ADGRL3: variants seen among roughly 807,000 people sequenced by gnomAD.
The protein encoded by ADGRL3 is calcium-independent alpha-latrotoxin receptor 3.
A neutral mutation model predicts 153.5 loss-of-function variants in ADGRL3; 62 were observed. That is an observed-to-expected ratio of 0.40 (90% CI 0.33 to 0.50). ADGRL3 has a LOEUF of 0.50. ADGRL3 is among the 20% of genes least tolerant of loss of function. ADGRL3 has a pLI of 0.47. For synonymous variants in ADGRL3, 710 were observed against 672.5 expected (o/e 1.06, Z -0.86); for missense variants, 1,641 against 1,859.4 (o/e 0.88, Z 2.16).
chr4:61,654,812 G>A (rs1348654188), intron 5 of ADGRL3, among the ~76,000 whole-genome samples: 1 of 151,956 alleles, frequency 6.6e-6, no homozygotes, highest in African/African-American at 2.4e-5. Flanking sequence ...CAGGAGAATT[G>A]CTTGAACCCA....
At chr4:62,009,216 C>T (rs1432325929) in intron 21 of ADGRL3, among the ~76,000 whole-genome samples, 1 of 152,126 alleles carries the variant, frequency 6.6e-6, no homozygotes, top group African/African-American at 2.4e-5. Context: ...AGATGTCAAA[C>T]ACATTTAGTA....
rs1158040518 is a variant in ADGRL3, at chr4:61,895,735, A to G, written c.1788A>G (p.Val596=). The G allele has an allele frequency of 1.3e-6, 2 of 1,569,664 alleles. No homozygotes were observed. The change falls in exon 11 of 27, where the codon GTA becomes GTG. Residue 596 remains valine, a synonymous_variant. Transcript: ENST00000683033. ...KQPCPAGTIG[V]STYLCLAPDG... ...ACATTTCTCTCATTATTACAGGTGT[A>G]TCAACTTATCTATGCCTTGCTCCTG...
chr4:61,316,124 A>G (rs2095203641), intron 1 of ADGRL3, among the ~76,000 whole-genome samples: 1 of 152,200 alleles, frequency 6.6e-6, no homozygotes, highest in South Asian at 2.1e-4. Flanking sequence ...ATAGCACAGA[A>G]TACAGGTACA....
intron 4 of ADGRL3, among the ~76,000 whole-genome samples, chr4:61,541,844 C>T (rs202228170): frequency 5.9e-5 from 3 of 50,894 alleles, no homozygotes; most frequent in African/African-American, 1.0e-4. Context: ...TGTGTGTATA[C>T]ACACACACAC....
At chr4:62,020,586 A>C (rs1262766847) in intron 21 of ADGRL3, among the ~76,000 whole-genome samples, 1 of 152,128 alleles carries the variant, frequency 6.6e-6, no homozygotes, top group Non-Finnish European at 1.5e-5. Flanking sequence ...AACAAATATA[A>C]ATGTGTATAT....
At chr4:61,877,313 T>C (rs1277211409) in intron 9 of ADGRL3, among the ~76,000 whole-genome samples, 1 of 152,204 alleles carries the variant, frequency 6.6e-6, no homozygotes. Flanking sequence ...CTGTATGATT[T>C]CATTTATATA....
intron 1 of ADGRL3, among the ~76,000 whole-genome samples, chr4:61,242,160 C>T (rs555716001): frequency 6.6e-6 from 1 of 152,092 alleles, no homozygotes; most frequent in East Asian, 1.9e-4. Flanking sequence ...CCACTTTTTC[C>T]TGGGCAGCAC....
At position 62,006,035 on chromosome 4, in the gene ADGRL3, T is replaced by A. The variant is rs1366316948; in HGVS notation, c.3395+7770T>A. ...ATATATATATATATATATATATATT[T>A]TTTTTTTTTTTTGAGAAAGGGTTTT... On this transcript the variant is annotated intron_variant, in intron 21 of 26. Transcript: ENST00000683033. Among the ~76,000 whole-genome samples, 29 of 131,260 alleles carry A rather than the reference T, an allele frequency of 2.2e-4. 1 individual carries two copies. Among genetic ancestry groups the A allele is most frequent in the East Asian group, 6.3e-4 (3 of 4,740 alleles). 86.1% of individuals were successfully genotyped at this position (131,260 alleles called of 152,430 possible).
chr4:61,355,580 A>G, intron 1 of ADGRL3, among the ~76,000 whole-genome samples: 1 of 151,854 alleles, frequency 6.6e-6, no homozygotes, highest in Admixed American at 6.6e-5. Context: ...TGAAAATTAA[A>G]TTGGTATTTC....
intron 9 of ADGRL3, among the ~76,000 whole-genome samples, chr4:61,875,563 A>G (rs970585316): frequency 6.6e-6 from 1 of 152,216 alleles, no homozygotes; most frequent in Non-Finnish European, 1.5e-5. Context: ...ATATAAGTCA[A>G]CTTAATTTCT....
chr4:61,204,954 AC>A, intron 1 of ADGRL3, among the ~76,000 whole-genome samples: 1 of 152,282 alleles, frequency 6.6e-6, no homozygotes, highest in Admixed American at 6.5e-5. Flanking sequence ...GATCTTCTTA[AC>A]ATTTTGCAGA....
chr4:61,934,862 A>G lies in ADGRL3; in HGVS notation c.2135A>G (p.Asn712Ser), dbSNP rs1207419630. The G allele has an allele frequency of 6.2e-6, 10 of 1,613,512 alleles. No individual in the cohort carries two copies. The highest frequency in any genetic ancestry group is 4.0e-5 in the African/African-American group (3 of 74,880). The part of the protein sequence containing the change: ...YVQAMVETVN[N>S]LLQPQALNAW... ...TAGGCAATGGTCGAGACAGTTAACAACCTCCTTCAGCCACAAGCTTTGAAT... is the reference window on the plus strand; with the variant it reads ...TAGGCAATGGTCGAGACAGTTAACAGCCTCCTTCAGCCACAAGCTTTGAAT... The change falls in exon 14 of 27, where the codon AAC becomes AGC. Residue 712 changes from asparagine to serine, a missense_variant. Coordinates refer to ENST00000683033, the MANE Select transcript of ADGRL3 (RefSeq NM_001387552.1).
rs866144039 is a variant in ADGRL3, at chr4:61,708,703, G to T, written c.584-21919G>T. Among the ~76,000 whole-genome samples the T allele has an allele frequency of 5.3e-5, 8 of 151,948 alleles. No individual in the cohort carries two copies. In the Middle Eastern group the frequency reaches 0.024, roughly 452 times the overall value. On this transcript the variant is annotated intron_variant, in intron 6 of 26. Transcript: ENST00000683033. ...AATAAAAAATTCAAAGAAGAACATG[G>T]TATTTTCTATTTATACGGGTTTTTT...
chr4:61,616,616 A>G (rs539979090), intron 5 of ADGRL3, among the ~76,000 whole-genome samples: 2 of 152,172 alleles, frequency 1.3e-5, no homozygotes, highest in South Asian at 4.1e-4. Flanking sequence ...ATTGACTACA[A>G]CCTCCCACAT....
In ADGRL3 at chr4:61,201,101, C is replaced by A. The variant is rs1292346430; in HGVS notation, c.-904C>A. On this transcript the variant is annotated 5_prime_UTR_variant, in exon 1 of 27. Transcript: ENST00000683033. ...GCGGAGAAGCCACCCCTGGCCCTCG[C>A]GGCTCCCCCTACCTATTCCATCGCT... Among the ~76,000 whole-genome samples the A allele has an allele frequency of 6.6e-6, 1 of 152,012 alleles. No homozygotes were observed. The highest frequency in any genetic ancestry group is 6.5e-5 in the Admixed American group (1 of 15,270).
At chr4:61,916,356 G>T (rs1317423883) in intron 13 of ADGRL3, among the ~76,000 whole-genome samples, 1 of 152,036 alleles carries the variant, frequency 6.6e-6, no homozygotes, top group Non-Finnish European at 1.5e-5. Flanking sequence ...CCATATCTTA[G>T]ACACAATGAC....
At chr4:61,862,580 T>G (rs544240088) in intron 9 of ADGRL3, among the ~76,000 whole-genome samples, 1 of 152,140 alleles carries the variant, frequency 6.6e-6, no homozygotes, top group South Asian at 2.1e-4. Flanking sequence ...ACCACCAGCT[T>G]TGGGAATTAG....
At chr4:61,314,685 T>G (rs77261616) in intron 1 of ADGRL3, among the ~76,000 whole-genome samples, 1,764 of 152,308 alleles carry the variant, frequency 0.012, 35 homozygotes, top group African/African-American at 0.04. Context: ...ACCCAAGGTT[T>G]ATTGCCCTTC....
chr4:61,495,058 C>G (rs2098298201), intron 2 of ADGRL3, among the ~76,000 whole-genome samples: 1 of 152,054 alleles, frequency 6.6e-6, no homozygotes, highest in Admixed American at 6.6e-5. Context: ...TAATATCACC[C>G]TACCCATTAC....
Sources: gnomAD v4.1 joint callset for allele counts (sites outside exome capture counted in the v4.1 genomes callset) on GRCh38, gnomAD v4.1.1 for gene constraint, MANE v1.5 for transcripts, NCBI Gene and HGNC (gene_info 2026-07-23, HGNC 2026-07-21) for gene names.